APOLD1: variants seen among roughly 807,000 people sequenced by gnomAD.
APOLD1 encodes apolipoprotein L domain containing 1.
A neutral mutation model predicts 15.3 loss-of-function variants in APOLD1; 22 were observed. That is an observed-to-expected ratio of 1.44 (90% CI 1.03 to 2.05). APOLD1 has a LOEUF of 2.05. APOLD1 is among the 30% of genes most tolerant of loss of function. The probability of loss-of-function intolerance (pLI) is 0.00; values close to 1 mark genes in which losing one functional copy is unlikely to be tolerated. For synonymous variants in APOLD1, 190 were observed against 167.4 expected (o/e 1.13, Z -1.04); for missense variants, 394 against 353.5 (o/e 1.11, Z -0.92).
intron 1 of APOLD1, among the ~76,000 whole-genome samples, chr12:12,764,153 G>A (rs4763871): frequency 0.67 from 101,392 of 151,994 alleles, 35,826 homozygotes; most frequent in Non-Finnish European, 0.78. Flanking sequence ...AGTAGTGACA[G>A]GGTTTCGCCA....
chr12:12,736,344 T>A (rs142529212), intron 1 of APOLD1, among the ~76,000 whole-genome samples: 26 of 123,496 alleles, frequency 2.1e-4, no homozygotes, highest in Non-Finnish European at 4.0e-4. Context: ...AGAGTGAGAG[T>A]CTGTCTCAAA....
At chr12:12,752,793 T>C (rs1346765547) in intron 1 of APOLD1, among the ~76,000 whole-genome samples, 1 of 152,190 alleles carries the variant, frequency 6.6e-6, no homozygotes, top group African/African-American at 2.4e-5. Context: ...AAGTGGTGGA[T>C]AGCAGTGACA....
At chr12:12,784,626 G>A (rs1057420271), upstream of APOLD1, among the ~76,000 whole-genome samples, 3 of 152,194 alleles carry the variant, frequency 2.0e-5, no homozygotes, top group African/African-American at 7.2e-5. Flanking sequence ...GTAAGCCAGA[G>A]AGTTGAGATA....
chr12:12,765,470 G>C (rs1853597997), intron 1 of APOLD1, among the ~76,000 whole-genome samples: 1 of 152,194 alleles, frequency 6.6e-6, no homozygotes, highest in Admixed American at 6.5e-5. Flanking sequence ...TTAAGGCGAA[G>C]ACAAAGGTAA....
At chr12:12,764,545 G>T in intron 1 of APOLD1, 1 of 263,180 alleles carries the variant, frequency 3.8e-6, no homozygotes, top group Non-Finnish European at 7.7e-6. Flanking sequence ...ACCTCTAGAG[G>T]GTGAAAACAG....
chr12:12,755,159 T>C (rs1012761603), intron 1 of APOLD1, among the ~76,000 whole-genome samples: 6 of 152,314 alleles, frequency 3.9e-5, no homozygotes, highest in Admixed American at 6.5e-5. Flanking sequence ...CACTCATATA[T>C]GAAAACTTTA....
Position 12,769,091 on chromosome 12 carries a change from G to C in APOLD1, c.97-17818G>C, listed in dbSNP as rs143973184. Among the ~76,000 whole-genome samples the C allele has an allele frequency of 4.6e-3, 692 of 151,918 alleles. 6 individuals carry two copies. Among genetic ancestry groups the C allele is most frequent in the African/African-American group, 0.016 (655 of 41,418 alleles). ...AACTATACAAAAATTAGCCAGTCGTGGTGGCACATGCCTGTAGTCCCAGTT... is the reference window on the plus strand; with the variant it reads ...AACTATACAAAAATTAGCCAGTCGTCGTGGCACATGCCTGTAGTCCCAGTT... On this transcript the variant is annotated intron_variant, in intron 1 of 1. Transcript: ENST00000326765.
chr12:12,781,204 A>G (rs1389941732), upstream of APOLD1, among the ~76,000 whole-genome samples: 1 of 152,184 alleles, frequency 6.6e-6, no homozygotes, highest in African/African-American at 2.4e-5. Context: ...GCACTTTGGG[A>G]GGCCGAGGCG....
intron 1 of APOLD1, among the ~76,000 whole-genome samples, chr12:12,731,007 G>A (rs1370882958): frequency 1.3e-5 from 2 of 152,100 alleles, no homozygotes; most frequent in Non-Finnish European, 2.9e-5. Flanking sequence ...CGGGCGTGGT[G>A]GCGGGCGCCT....
chr12:12,745,500 A>G (rs552657047), intron 1 of APOLD1, among the ~76,000 whole-genome samples: 2 of 152,242 alleles, frequency 1.3e-5, no homozygotes, highest in Admixed American at 1.3e-4. Context: ...ACTGCGCTCC[A>G]GCCTATGCAA....
intron 1 of APOLD1, among the ~76,000 whole-genome samples, chr12:12,731,161 A>C (rs1289308981): frequency 6.6e-6 from 1 of 152,130 alleles, no homozygotes; most frequent in African/African-American, 2.4e-5. Flanking sequence ...ACAAACAAAC[A>C]AACAAAAAAT....
In APOLD1 at chr12:12,790,386, A is replaced by G. The variant is rs939648063; in HGVS notation, c.*2734A>G. The G allele has an allele frequency of 5.3e-5, 8 of 152,234 alleles. No individual in the cohort carries two copies. The highest frequency in any genetic ancestry group is 1.9e-4 in the African/African-American group (8 of 41,454). 9.4% of individuals were successfully genotyped at this position (152,234 alleles called of 1,614,324 possible). On this transcript the variant is annotated 3_prime_UTR_variant, in exon 2 of 2. Coordinates refer to ENST00000356591, the MANE Select transcript of APOLD1 (RefSeq NM_030817.3). ...ATCATTTTAAATCATTTTAGAATGT[A>G]CTTCACATTATTAGTTGTGTTATGG...
At chr12:12,749,156 G>T (rs561327138) in intron 1 of APOLD1, among the ~76,000 whole-genome samples, 8 of 152,062 alleles carry the variant, frequency 5.3e-5, no homozygotes, top group Admixed American at 3.3e-4. Flanking sequence ...ACTGATTCTG[G>T]GTATGCGATT....
intron 1 of APOLD1, among the ~76,000 whole-genome samples, chr12:12,728,680 AAAAAAAAAAAAGAG>A (rs1298413842): frequency 2.0e-5 from 3 of 150,452 alleles, no homozygotes; most frequent in Non-Finnish European, 4.4e-5. Flanking sequence ...AAAAAAAAAA[AAAAAAAAAAAAGAG>A]AGAGAAAGAA....
At chr12:12,784,500 T>C (rs75279551), upstream of APOLD1, among the ~76,000 whole-genome samples, 19 of 152,292 alleles carry the variant, frequency 1.2e-4, no homozygotes, top group East Asian at 2.9e-3. Context: ...GAAAGGACTA[T>C]GGTTGTCCTT....
At chr12:12,733,991 C>T (rs539943697) in intron 1 of APOLD1, among the ~76,000 whole-genome samples, 31 of 152,282 alleles carry the variant, frequency 2.0e-4, no homozygotes, top group African/African-American at 7.5e-4. Context: ...TCATTCTTTT[C>T]GGACATTAGC....
intron 1 of APOLD1, among the ~76,000 whole-genome samples, chr12:12,744,784 T>G (rs1946753155): frequency 6.6e-6 from 1 of 152,182 alleles, no homozygotes; most frequent in South Asian, 2.1e-4. Flanking sequence ...GCTCAGTGTC[T>G]GTCTGGCTCC....
intron 1 of APOLD1, among the ~76,000 whole-genome samples, chr12:12,773,531 C>A (rs1392534884): frequency 2.0e-5 from 3 of 152,124 alleles, no homozygotes; most frequent in Non-Finnish European, 4.4e-5. Context: ...CACTGTACTC[C>A]AGCCTAGGTG....
Position 12,758,286 on chromosome 12 carries a change from C to A in APOLD1, c.97-28623C>A, listed in dbSNP as rs1187684834. On this transcript the variant is annotated intron_variant, in intron 1 of 1. Coordinates refer to the APOLD1 transcript ENST00000326765. ...AAAGTGCCGGGTGCAGTGGCTCATG[C>A]CTGTAATCCCAGCACTTTGGGAGCC... 1.3e-5 allele frequency among the ~76,000 whole-genome samples: 2 copies of A among 151,808 alleles called. 1 individual carries two copies. The highest frequency in any genetic ancestry group is 1.3e-4 in the Admixed American group (2 of 15,252).
Sources: gnomAD v4.1 joint callset for allele counts (sites outside exome capture counted in the v4.1 genomes callset) on GRCh38, gnomAD v4.1.1 for gene constraint, MANE v1.5 for transcripts, NCBI Gene and HGNC (gene_info 2026-07-23, HGNC 2026-07-21) for gene names.